CYBA: variants seen among roughly 807,000 people sequenced by gnomAD.
CYBA encodes cytochrome b-245 alpha chain.
In CYBA, 21 loss-of-function variants were observed where a neutral mutation model predicts 20.8. That is an observed-to-expected ratio of 1.01 (90% CI 0.72 to 1.46). The LOEUF (loss-of-function observed/expected upper bound fraction) is 1.46. Ranked by LOEUF, CYBA falls within the 40% of genes most tolerant of loss-of-function variation. The pLI, the probability that CYBA is intolerant of heterozygous loss-of-function variation, is 0.00. For synonymous variants in CYBA, 164 were observed against 127.5 expected, an observed-to-expected ratio of 1.29 and a Z score of -1.93; for missense variants, 344 against 287.0, an observed-to-expected ratio of 1.20 and a Z score of -1.43.
chr16:88,646,626 T>C (rs1907292944), intron 4 of CYBA, 129 bp downstream of exon 4: 1 of 848,666 alleles, frequency 1.2e-6, no homozygotes, highest in Non-Finnish European at 2.0e-6. Flanking sequence ...GGGACCCGAA[T>C]TTTTGTTTGG....
intron 3 of CYBA, 130 bp from the exon 4 acceptor site, chr16:88,646,968 C>A: frequency 8.5e-7 from 1 of 1,172,670 alleles, no homozygotes; most frequent in Non-Finnish European, 1.2e-6. Context: ...CAGGCACCGG[C>A]CTTGGTTTAC....
chr16:88,649,602 G>C (rs1907429524), intron 1 of CYBA, among the ~76,000 whole-genome samples: 1 of 152,234 alleles, frequency 6.6e-6, no homozygotes, highest in Admixed American at 6.5e-5. Context: ...CCCCAGGCAG[G>C]TGGCATTTGA....
chr16:88,646,165 G>A lies in CYBA; in HGVS notation c.320C>T (p.Thr107Ile), dbSNP rs1164100215. Reference sequence around the variant, plus strand: ...GGCCAGGCAGGCGGTCCCAAGGATGGTGGCCAGCAGGAAGCCGGCGGGCAC... The same window carrying A: ...GGCCAGGCAGGCGGTCCCAAGGATGATGGCCAGCAGGAAGCCGGCGGGCAC... Reference protein sequence around the residue: ...LSVPAGFLLATILGTACLAIA... With the variant: ...LSVPAGFLLAIILGTACLAIA... Residue 107 changes from threonine to isoleucine, a missense_variant, in exon 5 of 6, where the codon ACC (threonine) becomes ATC (isoleucine). Coordinates refer to ENST00000261623, the MANE Select transcript of CYBA (RefSeq NM_000101.4). 1.9e-6 allele frequency: 3 copies of A among 1,560,834 alleles called. No homozygotes were observed. The highest frequency in any genetic ancestry group is 1.7e-4 in the Middle Eastern group (1 of 5,912).
Position 88,643,635 on chromosome 16 carries a change from CGG to C in CYBA, c.370-66_370-65del. 1.4e-6 allele frequency: 2 copies of C among 1,420,598 alleles called. No homozygotes were observed. Among genetic ancestry groups the C allele is most frequent in the Non-Finnish European group, 1.9e-6 (2 of 1,047,822 alleles). 88.0% of individuals were successfully genotyped at this position (1,420,598 alleles called of 1,614,324 possible). A position where few individuals can be genotyped will look rare whatever the true frequency, so the allele number is the denominator to read the frequency against. On this transcript the variant is annotated intron_variant, in intron 5 of 5. Coordinates refer to ENST00000261623, the MANE Select transcript of CYBA (RefSeq NM_000101.4). This position sits in a 1 kb window ranked among gnomAD's most constrained non-coding sequence, Gnocchi z 4.3. ...CGCCCTCCCTCCCTCCCTCCCTCCCCGGAGGCCCACCCCGCTAGGGGCCCTGG... is the reference window on the plus strand; with the variant it reads ...CGCCCTCCCTCCCTCCCTCCCTCCCCAGGCCCACCCCGCTAGGGGCCCTGG...
At position 88,646,140 on chromosome 16, in the gene CYBA, G is replaced by A. The variant is rs1022986934; in HGVS notation, c.345C>T (p.Ala115=). The A allele has an allele frequency of 1.7e-5, 27 of 1,558,148 alleles. No individual in the cohort carries two copies. The highest frequency in any genetic ancestry group is 2.3e-5 in the Non-Finnish European group (26 of 1,152,826). The change falls in exon 5 of 6, where the codon GCC becomes GCT. Residue 115 remains alanine, a synonymous_variant. Transcript: ENST00000261623. ...CCAGTAGGTAGATGCCGCTCGCAAT[G>A]GCCAGGCAGGCGGTCCCAAGGATGG... ...LATILGTACL[A]IASGIYLLAA...
rs752933010 is a variant in CYBA, at chr16:88,650,938, T to C, written c.58+18A>G. ...CCCCTCCAGGCTGCAGCCTCCACCG[T>C]CCCTGACGTGCACTCACTCAGGCCG... On this transcript the variant is annotated intron_variant, in intron 1 of 5. Coordinates refer to ENST00000261623, the MANE Select transcript of CYBA (RefSeq NM_000101.4). 2 of 1,583,744 alleles carry C rather than the reference T, an allele frequency of 1.3e-6. No homozygotes were observed. Among genetic ancestry groups the C allele is most frequent in the Admixed American group, 3.5e-5 (2 of 56,358 alleles).
At chr16:88,649,226 T>A (rs913668226) in intron 1 of CYBA, among the ~76,000 whole-genome samples, 4 of 152,240 alleles carry the variant, frequency 2.6e-5, no homozygotes, top group South Asian at 2.1e-4. Flanking sequence ...TGTAGCCACC[T>A]TGCCCTGCCA....
chr16:88,646,336 T>TGCAA lies in CYBA; in HGVS notation c.288-140_288-139insTTGC, dbSNP rs151295807. The TGCAA allele has an allele frequency of 4.0e-4, 268 of 670,282 alleles. 6 individuals carry two copies. Among genetic ancestry groups the TGCAA allele is most frequent in the Non-Finnish European group, 6.2e-4 (236 of 382,142 alleles). 41.5% of individuals were successfully genotyped at this position (670,282 alleles called of 1,614,324 possible). On this transcript the variant is annotated intron_variant, in intron 4 of 5. Coordinates refer to ENST00000261623, the MANE Select transcript of CYBA (RefSeq NM_000101.4). ...CCAGGGGACGTGCGCGGACCGGGGC[T>TGCAA]TGTTTCGGTCCTGGGTGTTCTCAGC...
chr16:88,647,057 G>A (rs752560313), intron 3 of CYBA, 44 bp downstream of exon 3: 1 of 1,555,142 alleles, frequency 6.4e-7, no homozygotes, highest in East Asian at 2.3e-5. Context: ...CCCTGCCTGG[G>A]CCCCGCAGCC....
chr16:88,646,936 T>G lies in CYBA; in HGVS notation c.204-98A>C. ...CCACCCCAGGGCACCCAGGCCTCTT[T>G]CCTCCCACAAAACACACCGGGCAGG... On this transcript the variant is annotated intron_variant, in intron 3 of 5. Coordinates refer to ENST00000261623, the MANE Select transcript of CYBA (RefSeq NM_000101.4). The G allele has an allele frequency of 2.4e-6, 3 of 1,238,682 alleles. No homozygotes were observed. The South Asian group carries it at 3.6e-5, about 15-fold the overall frequency. The allele number at this position is 1,238,682 out of a possible 1,614,324, so 76.7% of individuals were successfully genotyped here.
rs1597370593 is a variant in CYBA, at chr16:88,643,437, G to A, written c.504C>T (p.Ser168=). 8 of 1,535,516 alleles carry A rather than the reference G, an allele frequency of 5.2e-6. No homozygotes were observed. Among genetic ancestry groups the A allele is most frequent in the East Asian group, 2.5e-5 (1 of 40,390 alleles). The change falls in exon 6 of 6, where the codon AGC becomes AGT. Residue 168 remains serine (S), a synonymous_variant. Coordinates refer to ENST00000261623, the MANE Select transcript of CYBA (RefSeq NM_000101.4). This position sits in a 1 kb window ranked among gnomAD's most constrained non-coding sequence, Gnocchi z 4.3. ...CCGCCGCCACCGCAGCCTCCTCCTCGCTGGGCTTCTTGCGGGCCTCGGCCG... is the reference window on the plus strand; with the variant it reads ...CCGCCGCCACCGCAGCCTCCTCCTCACTGGGCTTCTTGCGGGCCTCGGCCG... ...RPPAEARKKP[S]EEEAAVAAGG...
At position 88,643,317 on chromosome 16, in the gene CYBA, G is replaced by A. The variant is rs570996140; in HGVS notation, c.*36C>T. 2.4e-4 allele frequency: 344 copies of A among 1,412,896 alleles called. 1 individual carries two copies. In the African/African-American group the frequency reaches 4.8e-3, roughly 20 times the overall value. The allele number at this position is 1,412,896 out of a possible 1,614,324, so 87.5% of individuals were successfully genotyped here. ...CGGCTTCGCTGCATTTATTGCAGGT[G>A]GGTGCACCTGGCGGGAGGGCAGGTC... On this transcript the variant is annotated 3_prime_UTR_variant, in exon 6 of 6. Transcript: ENST00000261623. This position sits in a 1 kb window ranked among gnomAD's most constrained non-coding sequence, Gnocchi z 4.3.
intron 1 of CYBA, among the ~76,000 whole-genome samples, chr16:88,648,588 TG>T (rs909358438): frequency 7.9e-5 from 12 of 151,620 alleles, no homozygotes; most frequent in Admixed American, 2.6e-4. Flanking sequence ...TGCACATTTT[TG>T]GGGGGGTATT....
intron 1 of CYBA, among the ~76,000 whole-genome samples, chr16:88,649,082 C>T (rs568194725): frequency 0.11 from 17,170 of 151,750 alleles, 1,011 homozygotes; most frequent in South Asian, 0.16. Flanking sequence ...GGACTATGCG[C>T]GCCTGCCACC....
Position 88,643,377 on chromosome 16 carries a change from G to T in CYBA, c.564C>A (p.Ile188=), listed in dbSNP as rs776216387. 9 of 1,532,458 alleles carry T rather than the reference G, an allele frequency of 5.9e-6. No homozygotes were observed. The highest frequency in any genetic ancestry group is 7.9e-6 in the Non-Finnish European group (9 of 1,142,018). 94.9% of individuals were successfully genotyped at this position (1,532,458 alleles called of 1,614,324 possible). A position where few individuals can be genotyped will look rare whatever the true frequency, so the allele number is the denominator to read the frequency against. Residue 188 remains isoleucine, a synonymous_variant, in exon 6 of 6, where the codon ATC becomes ATA. Transcript: ENST00000261623. This position sits in a 1 kb window ranked among gnomAD's most constrained non-coding sequence, Gnocchi z 4.3. ...GPPGGPQVNP[I]PVTDEVV is the part of the protein sequence containing the mutation. ...GTCACACGACCTCGTCGGTCACCGG[G>T]ATGGGGTTGACCTGGGGACCTCCCG...
intron 1 of CYBA, chr16:88,650,593 C>T (rs1379232599): frequency 1.2e-5 from 6 of 512,688 alleles, no homozygotes; most frequent in Non-Finnish European, 2.3e-5. Context: ...GATGCCCAGG[C>T]CGGAGCCCCC....
At chr16:88,650,540 C>T in intron 1 of CYBA, 1 of 483,778 alleles carries the variant, frequency 2.1e-6, no homozygotes, top group Non-Finnish European at 4.1e-6. Context: ...GGGAGAGCGA[C>T]CTCCAGGCCA....
chr16:88,645,931 G>A (rs1004624507), intron 5 of CYBA, 185 bp downstream of exon 5: 27 of 610,748 alleles, frequency 4.4e-5, no homozygotes, highest in South Asian at 7.6e-5. Context: ...CACTAGACAC[G>A]CCAAAAATGG....
At chr16:88,646,474 C>G (rs754189729) in intron 4 of CYBA, 52 of 697,010 alleles carry the variant, frequency 7.5e-5, no homozygotes, top group Non-Finnish European at 7.9e-6. Flanking sequence ...GAACCCTCCA[C>G]CCTACCAGGA....
Sources: allele counts gnomAD v4.1 joint callset (sites outside exome capture counted in the v4.1 genomes callset), GRCh38; gene constraint gnomAD v4.1.1; non-coding constraint Gnocchi (gnomAD v3.1); transcripts MANE v1.5; gene names NCBI Gene and HGNC (gene_info 2026-07-23, HGNC 2026-07-21).